The following PCDH11X variants were observed in gnomAD, a reference collection of about 807,000 sequenced individuals.
PCDH11X encodes the protein protocadherin-11 X-linked.
PCDH11X carries 18 observed loss-of-function variants against 53.3 expected under a neutral mutation model. The ratio of observed to expected loss-of-function variants is 0.34; its 90% CI spans 0.23 to 0.50. The LOEUF is 0.50. Ranked by LOEUF, PCDH11X falls within the 20% of genes least tolerant of loss-of-function variation. The pLI is 0.98. For synonymous variants in PCDH11X, 279 were observed against 393.3 expected, an observed-to-expected ratio of 0.71 and a Z score of 3.44; for missense variants, 570 against 1,032.4, an observed-to-expected ratio of 0.55 and a Z score of 6.14.
chrX:91,963,570 T>C (rs2061822953), intron 6 of PCDH11X, among the ~76,000 whole-genome samples: 1 of 111,607 alleles, frequency 9.0e-6, no homozygotes, highest in African/African-American at 3.3e-5. Flanking sequence ...TTCCCACCTC[T>C]TTCTGTCTTC....
rs778221916 is a variant in PCDH11X at position 92,132,285 on chromosome X, C to CA, written c.3034-69051dup. On this transcript the variant is annotated intron_variant, in intron 6 of 10. Transcript: ENST00000682573. Reference sequence around the variant, plus strand: ...GGGCAACAAGAGCAAACCTCTGTCTCAAAAAAAAAAAAAAAAAAAAAAAAA... The same window carrying CA: ...GGGCAACAAGAGCAAACCTCTGTCTCAAAAAAAAAAAAAAAAAAAAAAAAAA... 5.6e-4 allele frequency among the ~76,000 whole-genome samples: 5 copies of CA among 8,856 alleles called. 1 individual carries two copies. The highest frequency in any genetic ancestry group is 3.4e-3 in the East Asian group (1 of 291). The allele number at this position is 8,856 out of a possible 115,157, so 7.7% of individuals were successfully genotyped here.
At chrX:92,196,445 T>C (rs1246857893) in intron 6 of PCDH11X, among the ~76,000 whole-genome samples, 1 of 111,677 alleles carries the variant, frequency 9.0e-6, no homozygotes, top group Non-Finnish European at 1.9e-5. Flanking sequence ...AAAACTTGTA[T>C]TTACCTGAGT....
chrX:92,022,758 C>T (rs1353732860), intron 6 of PCDH11X, among the ~76,000 whole-genome samples: 2 of 111,669 alleles, frequency 1.8e-5, no homozygotes, highest in African/African-American at 6.5e-5. Context: ...TAAAATCAAC[C>T]ACATGATTCG....
intron 5 of PCDH11X, among the ~76,000 whole-genome samples, chrX:91,847,349 A>T (rs1454010836): frequency 9.0e-6 from 1 of 110,885 alleles, no homozygotes; most frequent in African/African-American, 3.3e-5. Context: ...ACATTTTTTA[A>T]TATGTATTTT....
In PCDH11X at chrX:91,830,891, A is replaced by G. The variant is rs1417165258; in HGVS notation, c.-44-4570A>G. Among the ~76,000 whole-genome samples the G allele has an allele frequency of 7.2e-4, 81 of 111,755 alleles. 1 individual carries two copies. Among genetic ancestry groups the G allele is most frequent in the Non-Finnish European group, 1.7e-4 (9 of 53,172 alleles). On this transcript the variant is annotated intron_variant, in intron 4 of 10. Coordinates refer to ENST00000682573, the MANE Select transcript of PCDH11X (RefSeq NM_032968.5). Reference sequence around the variant, plus strand: ...TCACTCATGTGTTTGTTGTTCTAGCATATGATTCAGTAATTCACATAGAAT... The same window carrying G: ...TCACTCATGTGTTTGTTGTTCTAGCGTATGATTCAGTAATTCACATAGAAT...
intron 6 of PCDH11X, among the ~76,000 whole-genome samples, chrX:92,024,718 CAAA>C (rs199917287): frequency 5.5e-5 from 3 of 54,692 alleles, no homozygotes; most frequent in African/African-American, 1.1e-4. Context: ...CAATCCTAAG[CAAA>C]AAAAAAAAAA....
intron 6 of PCDH11X, among the ~76,000 whole-genome samples, chrX:92,030,066 G>A (rs1204487185): frequency 1.8e-5 from 2 of 111,763 alleles, no homozygotes; most frequent in African/African-American, 6.5e-5. Context: ...AGGTTCAAGC[G>A]ATTCTCCTCC....
chrX:92,539,188 T>C (rs931846646), intron 10 of PCDH11X, among the ~76,000 whole-genome samples: 1 of 109,597 alleles, frequency 9.1e-6, no homozygotes, highest in African/African-American at 3.3e-5. Flanking sequence ...GAATACACTT[T>C]CTACCCCCAT....
chrX:92,554,510 TTAA>T (rs1433243214), intron 10 of PCDH11X, among the ~76,000 whole-genome samples: 1 of 110,715 alleles, frequency 9.0e-6, no homozygotes, highest in Non-Finnish European at 1.9e-5. Flanking sequence ...AGGGACTTTA[TTAA>T]TTACATAGTT....
At chrX:92,383,866 G>A (rs1387962115) in intron 8 of PCDH11X, among the ~76,000 whole-genome samples, 2 of 111,669 alleles carry the variant, frequency 1.8e-5, no homozygotes, top group African/African-American at 3.3e-5. Flanking sequence ...GGGTCAAATG[G>A]TATTTCTGGT....
intron 8 of PCDH11X, among the ~76,000 whole-genome samples, chrX:92,348,877 T>C (rs1457536086): frequency 1.9e-5 from 2 of 103,116 alleles, no homozygotes; most frequent in Admixed American, 1.0e-4. Flanking sequence ...TATGGGACAC[T>C]GATCATAGTC....
At chrX:91,819,981 TC>T (rs1936596744) in intron 4 of PCDH11X, among the ~76,000 whole-genome samples, 1 of 98,078 alleles carries the variant, frequency 1.0e-5, no homozygotes, top group African/African-American at 4.0e-5. Flanking sequence ...TTCATCCATG[TC>T]CCTACAAAGG....
At chrX:92,162,315 C>T (rs2065659034) in intron 6 of PCDH11X, among the ~76,000 whole-genome samples, 1 of 108,908 alleles carries the variant, frequency 9.2e-6, no homozygotes, top group South Asian at 4.1e-4. Flanking sequence ...TCTCAGCTTC[C>T]TGAGTAGCTG....
At chrX:92,013,522 G>GA (rs2062730451) in intron 6 of PCDH11X, among the ~76,000 whole-genome samples, 1 of 111,300 alleles carries the variant, frequency 9.0e-6, no homozygotes. Context: ...CACAGAATTG[G>GA]AAAAAACTAC....
chrX:92,058,576 A>T (rs777986062), intron 6 of PCDH11X, among the ~76,000 whole-genome samples: 2 of 111,871 alleles, frequency 1.8e-5, no homozygotes, highest in South Asian at 3.6e-4. Flanking sequence ...ATTTCTATAT[A>T]CAAGTACATG....
chrX:92,387,310 T>C (rs1330919220), intron 8 of PCDH11X, among the ~76,000 whole-genome samples: 1 of 112,230 alleles, frequency 8.9e-6, no homozygotes, highest in Non-Finnish European at 1.9e-5. Context: ...ATTCACAGTT[T>C]CAGCTCACTA....
chrX:92,282,371 T>C (rs1191484588), intron 8 of PCDH11X, among the ~76,000 whole-genome samples: 1 of 111,459 alleles, frequency 9.0e-6, no homozygotes, highest in Non-Finnish European at 1.9e-5. Context: ...CCAAAAATAA[T>C]ACCCTAGTTC....
chrX:92,038,907 G>A (rs2063169670), intron 6 of PCDH11X, among the ~76,000 whole-genome samples: 1 of 110,377 alleles, frequency 9.1e-6, no homozygotes, highest in Admixed American at 9.7e-5. Flanking sequence ...TGATTATGAG[G>A]CCTCTCCAGC....
intron 7 of PCDH11X, among the ~76,000 whole-genome samples, chrX:92,261,305 G>A (rs1443284361): frequency 9.0e-6 from 1 of 111,247 alleles, no homozygotes; most frequent in Non-Finnish European, 1.9e-5. Context: ...AATAGAAATT[G>A]TCAAACAAGG....
Sources: allele counts gnomAD v4.1 joint callset (sites outside exome capture counted in the v4.1 genomes callset), GRCh38; gene constraint gnomAD v4.1.1; transcripts MANE v1.5; gene names NCBI Gene and HGNC (gene_info 2026-07-23, HGNC 2026-07-21).